IFT88: variants seen among roughly 807,000 people sequenced by gnomAD.
IFT88 encodes intraflagellar transport 88, also known as intraflagellar transport protein 88 homolog.
IFT88 carries 74 observed loss-of-function variants against 119.5 expected under a neutral mutation model. The observed-to-expected ratio is 0.62, with a 90% CI of 0.51 to 0.75. The LOEUF (loss-of-function observed/expected upper bound fraction) is 0.75, where lower values mean the gene tolerates loss of function less well. Among genes scored for constraint, IFT88 ranks in the 30% least tolerant of loss-of-function variants. IFT88 has a pLI of 0.00. For missense variants in IFT88, 961 were observed against 977.7 expected (o/e 0.98, Z 0.23); for synonymous variants, 279 against 316.7 (o/e 0.88, Z 1.26).
chr13:20,630,990 G>A, intron 15 of IFT88, 26 bp from the exon 16 acceptor site: 1 of 1,378,482 alleles, frequency 7.3e-7, no homozygotes, highest in Non-Finnish European at 1.0e-6. Context: ...TACAGTGGTA[G>A]TAACCTTCAG....
At chr13:20,591,503 G>A (rs1217054575) in intron 5 of IFT88, 115 bp from the exon 6 acceptor site, 3 of 643,758 alleles carry the variant, frequency 4.7e-6, no homozygotes, top group Non-Finnish European at 7.9e-6. Context: ...AACGTATAGT[G>A]ATTGAAAATC....
In IFT88 at chr13:20,583,038, T is replaced by G; in HGVS notation, c.153+19T>G. ...ACCTCCAGTAAGTGAAAAAAATTTTTTTTAAATTGTGGTAAAAAATACATA... is the reference window on the plus strand; with the variant it reads ...ACCTCCAGTAAGTGAAAAAAATTTTGTTTAAATTGTGGTAAAAAATACATA... On this transcript the variant is annotated intron_variant, in intron 3 of 25. Coordinates refer to ENST00000351808, the MANE Select transcript of IFT88 (RefSeq NM_006531.5). 3 of 1,559,072 alleles carry G rather than the reference T, an allele frequency of 1.9e-6. No individual in the cohort carries two copies. Among genetic ancestry groups the G allele is most frequent in the Non-Finnish European group, 2.6e-6 (3 of 1,135,282 alleles).
At chr13:20,596,282 G>A (rs374959698) in intron 8 of IFT88, 42 bp downstream of exon 8, 82 of 893,172 alleles carry the variant, frequency 9.2e-5, no homozygotes, top group Non-Finnish European at 1.2e-4. Context: ...AGCATTTATA[G>A]ATGTATGTCT....
chr13:20,669,520 T>C (rs1243028157), intron 23 of IFT88, among the ~76,000 whole-genome samples: 3 of 151,158 alleles, frequency 2.0e-5, no homozygotes, highest in Non-Finnish European at 4.4e-5. Context: ...ACCTCCCAGG[T>C]TCAAGCGATT....
chr13:20,658,254 GC>G (rs2053200053), intron 22 of IFT88, among the ~76,000 whole-genome samples: 1 of 145,572 alleles, frequency 6.9e-6, no homozygotes, highest in Non-Finnish European at 1.5e-5. Flanking sequence ...ACGCCACCAT[GC>G]CCAACTAATT....
chr13:20,620,706 C>G (rs1027110576), intron 14 of IFT88, among the ~76,000 whole-genome samples: 22 of 152,022 alleles, frequency 1.4e-4, no homozygotes, highest in African/African-American at 5.3e-4. Context: ...GCTGGGACTA[C>G]AGGCGCCTGC....
In IFT88 at chr13:20,641,355, A is replaced by G; in HGVS notation, c.1639A>G (p.Ile547Val). Residue 547 changes from isoleucine (I) to valine (V), a missense_variant, in exon 18 of 26, where the codon ATC becomes GTC. Transcript: ENST00000351808. The stretch of plus-strand genomic sequence containing the variant: ...GGACTGTTTCCTGAAACTTCACGCA[A>G]TCCTACGAAACAGTGCCGAAGTTCT... ...ALDCFLKLHA[I>V]LRNSAEVLYQ... 1.2e-6 allele frequency: 2 copies of G among 1,612,826 alleles called. No individual in the cohort carries two copies. The highest frequency in any genetic ancestry group is 1.3e-5 in the African/African-American group (1 of 75,022).
At chr13:20,617,557 G>A (rs1443331263) in intron 14 of IFT88, among the ~76,000 whole-genome samples, 1 of 152,166 alleles carries the variant, frequency 6.6e-6, no homozygotes, top group African/African-American at 2.4e-5. Flanking sequence ...TCTTCAATTT[G>A]CTATTCCCTG....
In IFT88 at chr13:20,601,770, A is replaced by G. The variant is rs771449493; in HGVS notation, c.878A>G (p.Asn293Ser). Residue 293 changes from asparagine (N) to serine (S), a missense_variant, in exon 12 of 26, where the codon AAT becomes AGT. Transcript: ENST00000351808. ...GCTGGTCAGTATTCAGATGCTATTAATTCATATGAGCACATAATGAGCATG... is the reference window on the plus strand; with the variant it reads ...GCTGGTCAGTATTCAGATGCTATTAGTTCATATGAGCACATAATGAGCATG... ...IQAGQYSDAI[N>S]SYEHIMSMAP... 59 of 1,613,160 alleles carry G rather than the reference A, an allele frequency of 3.7e-5. No individual in the cohort carries two copies. Among genetic ancestry groups the G allele is most frequent in the Non-Finnish European group, 4.6e-5 (54 of 1,179,272 alleles).
At chr13:20,617,491 C>T (rs2045825156) in intron 14 of IFT88, among the ~76,000 whole-genome samples, 1 of 152,176 alleles carries the variant, frequency 6.6e-6, no homozygotes, top group South Asian at 2.1e-4. Flanking sequence ...TCAGGAGTTT[C>T]TTGGTCTTTT....
intron 12 of IFT88, among the ~76,000 whole-genome samples, chr13:20,603,344 A>G (rs1245933885): frequency 6.7e-6 from 1 of 150,326 alleles, no homozygotes. Flanking sequence ...CCGAGATCGC[A>G]CTATTCACTC....
chr13:20,608,300 G>A (rs571876517), intron 13 of IFT88, among the ~76,000 whole-genome samples: 1 of 152,282 alleles, frequency 6.6e-6, no homozygotes, highest in Admixed American at 6.5e-5. Context: ...GGTTCCTGGC[G>A]CCCCATGAGC....
chr13:20,689,521 A>G (rs2058279029), intron 24 of IFT88, among the ~76,000 whole-genome samples: 1 of 152,168 alleles, frequency 6.6e-6, no homozygotes, highest in South Asian at 2.1e-4. Context: ...GTCATATCTT[A>G]TGTACCCATG....
chr13:20,662,568 C>T (rs138550836), intron 22 of IFT88, among the ~76,000 whole-genome samples: 73 of 152,220 alleles, frequency 4.8e-4, no homozygotes, highest in African/African-American at 1.6e-3. Flanking sequence ...TAATGAGTAA[C>T]TTTTATTTTT....
At chr13:20,664,406 T>C (rs570005592) in intron 23 of IFT88, among the ~76,000 whole-genome samples, 1 of 152,290 alleles carries the variant, frequency 6.6e-6, no homozygotes, top group African/African-American at 2.4e-5. Context: ...ACATTGTACA[T>C]TGTACATTCA....
At chr13:20,620,330 A>G (rs758408985) in intron 14 of IFT88, among the ~76,000 whole-genome samples, 13 of 152,084 alleles carry the variant, frequency 8.5e-5, no homozygotes, top group Admixed American at 7.2e-4. Context: ...AAGTGACTAT[A>G]TATTGGTCTG....
At chr13:20,649,639 T>C (rs1445421369) in intron 20 of IFT88, among the ~76,000 whole-genome samples, 2 of 151,820 alleles carry the variant, frequency 1.3e-5, no homozygotes. Flanking sequence ...AAGGAAATAA[T>C]AAAGGTTAGA....
At chr13:20,570,299 G>T (rs911230611) in intron 1 of IFT88, among the ~76,000 whole-genome samples, 1 of 152,120 alleles carries the variant, frequency 6.6e-6, no homozygotes, top group Non-Finnish European at 1.5e-5. Context: ...CAGCCACTTT[G>T]GAAAACAGTC....
chr13:20,628,725 G>A (rs940373156), intron 15 of IFT88, among the ~76,000 whole-genome samples: 11 of 152,232 alleles, frequency 7.2e-5, no homozygotes, highest in African/African-American at 2.6e-4. Context: ...AATATGAAGT[G>A]TTATTACTTT....
Sources: gnomAD v4.1 joint callset for allele counts (sites outside exome capture counted in the v4.1 genomes callset) on GRCh38, gnomAD v4.1.1 for gene constraint, MANE v1.5 for transcripts, NCBI Gene and HGNC (gene_info 2026-07-23, HGNC 2026-07-21) for gene names.